The following CNTRL variants were observed in gnomAD, a reference collection of about 807,000 sequenced individuals.
CNTRL encodes the protein 110 kDa centrosomal protein.
CNTRL carries 233 observed loss-of-function variants against 303.7 expected under a neutral mutation model. The ratio of observed to expected loss-of-function variants is 0.77; its 90% CI spans 0.69 to 0.86. CNTRL has a LOEUF of 0.86. Among genes scored for constraint, CNTRL ranks in the 40% least tolerant of loss-of-function variants. CNTRL has a pLI of 0.00. For synonymous variants in CNTRL, 900 were observed against 922.2 expected (o/e 0.98, Z 0.44); for missense variants, 2,524 against 2,650.6 (o/e 0.95, Z 1.05).
At chr9:121,164,231 G>GT (rs1376076788) in intron 34 of CNTRL, among the ~76,000 whole-genome samples, 1 of 152,142 alleles carries the variant, frequency 6.6e-6, no homozygotes, top group African/African-American at 2.4e-5. Context: ...TTGGAAGACA[G>GT]TTTAACAGTT....
chr9:121,141,704 C>G (rs1339734295), intron 18 of CNTRL, 116 bp downstream of exon 18: 2 of 1,013,808 alleles, frequency 2.0e-6, no homozygotes, highest in Non-Finnish European at 2.9e-6. Flanking sequence ...GTTATTTTCA[C>G]TTATAACAAG....
rs1035397289 is a variant in CNTRL, at chr9:121,127,402, T to C, written c.2025+1466T>C. On this transcript the variant is annotated intron_variant, in intron 14 of 43. Coordinates refer to ENST00000373855, the MANE Select transcript of CNTRL (RefSeq NM_007018.6). ...AGTTCAGTAGATATTGTCAAATTACTTTTCATAGTGAGTTTATCAGCTTCT... is the reference window on the plus strand; with the variant it reads ...AGTTCAGTAGATATTGTCAAATTACCTTTCATAGTGAGTTTATCAGCTTCT... Among the ~76,000 whole-genome samples the C allele has an allele frequency of 5.9e-5, 9 of 152,308 alleles. No homozygotes were observed. In the South Asian group the frequency reaches 1.5e-3, roughly 25 times the overall value.
In CNTRL at chr9:121,135,835, A is replaced by C. The variant is rs1402386523; in HGVS notation, c.2055A>C (p.Gln685His). The change falls in exon 15 of 44, where the codon CAA becomes CAC. Residue 685 changes from glutamine (Q) to histidine (H), a missense_variant. Coordinates refer to ENST00000373855, the MANE Select transcript of CNTRL (RefSeq NM_007018.6). ...TTGCAGAGCTAGAAAGTGCCCTCCA[A>C]GAGCAGCATGAGGTGAATGCATCTT... Reference protein sequence around the residue: ...KELAELESALQEQHEVNASLQ... With the variant: ...KELAELESALHEQHEVNASLQ... The C allele has an allele frequency of 6.2e-7, 1 of 1,613,624 alleles. No individual in the cohort carries two copies. Among genetic ancestry groups the C allele is most frequent in the Non-Finnish European group, 8.5e-7 (1 of 1,179,762 alleles).
intron 30 of CNTRL, chr9:121,158,511 A>G (rs2052695734): frequency 8.4e-6 from 2 of 237,220 alleles, no homozygotes. Flanking sequence ...TAATTTTAAA[A>G]ATGAATACAT....
At chr9:121,144,764 A>C in intron 20 of CNTRL, 79 bp from the exon 21 acceptor site, 1 of 1,109,140 alleles carries the variant, frequency 9.0e-7, no homozygotes, top group South Asian at 1.3e-5. Flanking sequence ...TGAAAGCAGA[A>C]GAATCAATCC....
intron 7 of CNTRL, among the ~76,000 whole-genome samples, chr9:121,102,024 G>C (rs2049198456): frequency 6.6e-6 from 1 of 152,184 alleles, no homozygotes; most frequent in Admixed American, 6.5e-5. Context: ...AATAGAAAAA[G>C]AGGGAATCCA....
chr9:121,075,381 C>A (rs1468144293), intron 1 of CNTRL, among the ~76,000 whole-genome samples: 1 of 152,138 alleles, frequency 6.6e-6, no homozygotes, highest in East Asian at 1.9e-4. Flanking sequence ...GTGGGTCCTG[C>A]CACCTGAGCT....
At chr9:121,125,406 G>A (rs2050461397) in intron 13 of CNTRL, among the ~76,000 whole-genome samples, 2 of 152,040 alleles carry the variant, frequency 1.3e-5, no homozygotes, top group Admixed American at 6.6e-5. Flanking sequence ...TGATCCGCCT[G>A]CCTTGGCCTC....
Position 121,107,890 on chromosome 9 carries a change from A to G in CNTRL, c.897A>G (p.Glu299=), listed in dbSNP as rs781044359. 37 of 1,610,776 alleles carry G rather than the reference A, an allele frequency of 2.3e-5. No individual in the cohort carries two copies. In the South Asian group the frequency reaches 4.0e-4, roughly 17 times the overall value. Residue 299 remains glutamate (E), a synonymous_variant, in exon 8 of 44, where the codon GAA becomes GAG. Coordinates refer to ENST00000373855, the MANE Select transcript of CNTRL (RefSeq NM_007018.6). Reference sequence around the variant, plus strand: ...GCAAACAAACAAGGTTCCTTGAGGAAATTAAAAATCAAGATAAATTGAATA... The same window carrying G: ...GCAAACAAACAAGGTTCCTTGAGGAGATTAAAAATCAAGATAAATTGAATA... ...LKSKQTRFLE[E]IKNQDKLNKS... is the part of the protein sequence containing the mutation.
rs757943314 is a variant in CNTRL at position 121,125,799 on chromosome 9, G to A, written c.1888G>A (p.Gly630Ser). The change falls in exon 14 of 44, where the codon GGC becomes AGC. Residue 630 changes from glycine to serine, a missense_variant. Gly to Ser is a moderately conservative substitution (Grantham distance 56). Transcript: ENST00000373855. ...GLQEYLGTIK[G>S]QATQAQNECR... ...GCAAGAATACCTGGGGACCATTAAA[G>A]GCCAGGCAACTCAGGCCCAGAATGA... The A allele has an allele frequency of 8.7e-6, 14 of 1,614,070 alleles. No individual in the cohort carries two copies. The highest frequency in any genetic ancestry group is 9.3e-6 in the Non-Finnish European group (11 of 1,180,032).
chr9:121,083,180 T>C (rs2048212584), intron 2 of CNTRL, among the ~76,000 whole-genome samples: 1 of 152,066 alleles, frequency 6.6e-6, no homozygotes, highest in African/African-American at 2.4e-5. Context: ...CTACACTAAA[T>C]TTATTAAACA....
chr9:121,146,041 C>A, intron 22 of CNTRL, 67 bp from the exon 23 acceptor site: 1 of 1,404,872 alleles, frequency 7.1e-7, no homozygotes, highest in Non-Finnish European at 9.6e-7. Flanking sequence ...CTTAGAATCT[C>A]TTTTATATTT....
intron 34 of CNTRL, among the ~76,000 whole-genome samples, chr9:121,164,268 G>A (rs1477229822): frequency 2.6e-5 from 4 of 152,134 alleles, no homozygotes; most frequent in Non-Finnish European, 4.4e-5. Context: ...TACGCCAATC[G>A]GAAGATCTAG....
In CNTRL at chr9:121,158,171, A is replaced by G. The variant is rs1212310056; in HGVS notation, c.4764+62A>G. 2.6e-6 allele frequency: 4 copies of G among 1,563,312 alleles called. No homozygotes were observed. In the East Asian group the frequency reaches 6.8e-5, roughly 27 times the overall value. On this transcript the variant is annotated intron_variant, in intron 30 of 43. Coordinates refer to ENST00000373855, the MANE Select transcript of CNTRL (RefSeq NM_007018.6). ...AGCACTTTATGATTATAAAAGTAAT[A>G]CATGTTTAATTGTAGAAAAGAATAA... is the stretch of plus-strand genomic sequence containing the variant.
chr9:121,088,499 T>G lies in CNTRL; in HGVS notation c.173T>G (p.Ile58Ser). ...GGACAGTGGTGTGAGCAAGTTGAGA[T>G]TGCAGATGAAAACAATATGCTTTTG... ...SGGQWCEQVEIADENNMLLDY... is the reference protein window; with the variant it reads ...SGGQWCEQVESADENNMLLDY... The change falls in exon 3 of 44, where the codon ATT becomes AGT. Residue 58 changes from isoleucine (I) to serine (S), a missense_variant. Coordinates refer to ENST00000373855, the MANE Select transcript of CNTRL (RefSeq NM_007018.6). The G allele has an allele frequency of 6.2e-7, 1 of 1,612,386 alleles. No individual in the cohort carries two copies. Among genetic ancestry groups the G allele is most frequent in the Non-Finnish European group, 8.5e-7 (1 of 1,178,498 alleles).
At chr9:121,145,963 CT>C in intron 22 of CNTRL, 144 bp from the exon 23 acceptor site, 17 of 650,212 alleles carry the variant, frequency 2.6e-5, no homozygotes, top group Admixed American at 3.5e-5. Flanking sequence ...ATCAGTTTGC[CT>C]TTTTTTGACT....
At chr9:121,159,514 C>A (rs747221590) in intron 31 of CNTRL, among the ~76,000 whole-genome samples, 21 of 152,140 alleles carry the variant, frequency 1.4e-4, no homozygotes, top group Non-Finnish European at 2.8e-4. Context: ...CGCCTGTAAT[C>A]CTAGCTACTC....
intron 36 of CNTRL, 23 bp from the exon 37 acceptor site, chr9:121,167,466 T>G (rs1476123853): frequency 6.2e-7 from 1 of 1,600,604 alleles, no homozygotes. Flanking sequence ...ATTAGTAGTT[T>G]CCACTTGTTC....
At chr9:121,126,873 G>A (rs1187627737) in intron 14 of CNTRL, among the ~76,000 whole-genome samples, 1 of 151,894 alleles carries the variant, frequency 6.6e-6, no homozygotes, top group Non-Finnish European at 1.5e-5. Flanking sequence ...CCAGGCTGGA[G>A]TGCAGTGGCG....
Sources: allele counts gnomAD v4.1 joint callset (sites outside exome capture counted in the v4.1 genomes callset), GRCh38; gene constraint gnomAD v4.1.1; transcripts MANE v1.5; gene names NCBI Gene and HGNC (gene_info 2026-07-23, HGNC 2026-07-21).